The following EPB41L1 variants were observed in gnomAD, a reference collection of about 807,000 sequenced individuals.
EPB41L1 encodes erythrocyte membrane protein band 4.1 like 1.
In EPB41L1, 29 loss-of-function variants were observed where a neutral mutation model predicts 97.8. The observed-to-expected ratio is 0.30, with a 90% confidence interval of 0.22 to 0.40. The LOEUF (loss-of-function observed/expected upper bound fraction) is 0.40, where lower values mean the gene tolerates loss of function less well. EPB41L1 is among the 10% of genes least tolerant of loss of function. The probability of loss-of-function intolerance (pLI) is 1.00; values close to 1 mark genes in which losing one functional copy is unlikely to be tolerated. For missense variants in EPB41L1, 812 were observed against 1,162.3 expected (o/e 0.70, Z 4.38); for synonymous variants, 383 against 459.2 (o/e 0.83, Z 2.12).
upstream of EPB41L1, chr20:36,151,631 A>C (rs1386068685): frequency 1.3e-5 from 2 of 152,228 alleles, no homozygotes; most frequent in African/African-American, 4.8e-5. Flanking sequence ...AGTAATTGCA[A>C]CTGATGCCTA....
intron 14 of EPB41L1, chr20:36,205,768 C>T: frequency 1.7e-6 from 2 of 1,208,304 alleles, no homozygotes; most frequent in Non-Finnish European, 2.1e-6. Context: ...GATTGGTCCC[C>T]TCTTACAAAG....
At chr20:36,216,303 A>G (rs1264853130) in intron 17 of EPB41L1, among the ~76,000 whole-genome samples, 9 of 152,190 alleles carry the variant, frequency 5.9e-5, no homozygotes, top group African/African-American at 2.2e-4. Flanking sequence ...CAGTGGGAAA[A>G]GCAAGTGCAA....
intron 1 of EPB41L1, among the ~76,000 whole-genome samples, chr20:36,157,216 C>G (rs759867204): frequency 7.2e-5 from 11 of 152,062 alleles, no homozygotes; most frequent in East Asian, 5.8e-4. Context: ...GAGCGAGACT[C>G]CCTCTCAAAG....
At position 36,209,652 on chromosome 20, in the gene EPB41L1, C is replaced by T. The variant is rs769675013; in HGVS notation, c.1833C>T (p.Ser611=). ...IERKCSSITV[S]STSSLEAEVD... Reference sequence around the variant, plus strand: ...GCAAGTGCTCCAGCATCACGGTCAGCTCTACGTCTAGCCTGGAGGCTGAGG... The same window carrying T: ...GCAAGTGCTCCAGCATCACGGTCAGTTCTACGTCTAGCCTGGAGGCTGAGG... The change falls in exon 15 of 22, where the codon AGC becomes AGT. Residue 611 remains serine, a synonymous_variant. Coordinates refer to ENST00000338074, the MANE Select transcript of EPB41L1 (RefSeq NM_012156.2). This position sits in a 1 kb window ranked among gnomAD's most constrained non-coding sequence, Gnocchi z 4.2. 3.7e-6 allele frequency: 6 copies of T among 1,614,094 alleles called. No individual in the cohort carries two copies. The South Asian group carries it at 6.6e-5, about 18-fold the overall frequency.
intron 1 of EPB41L1, among the ~76,000 whole-genome samples, chr20:36,161,919 C>A (rs765016524): frequency 2.6e-5 from 4 of 152,086 alleles, no homozygotes; most frequent in South Asian, 2.1e-4. Context: ...CCCCACCATG[C>A]CCGGCTAATT....
At chr20:36,215,056 A>T (rs2063361951) in intron 17 of EPB41L1, among the ~76,000 whole-genome samples, 1 of 150,224 alleles carries the variant, frequency 6.7e-6, no homozygotes, top group African/African-American at 2.5e-5. Context: ...GCAACACTAG[A>T]TCCCTTCATG....
chr20:36,157,878 C>T (rs2060374609), intron 1 of EPB41L1, among the ~76,000 whole-genome samples: 1 of 152,154 alleles, frequency 6.6e-6, no homozygotes, highest in South Asian at 2.1e-4. Flanking sequence ...GGGAGCTGAG[C>T]CTTGGTGGAT....
At chr20:36,171,168 G>A (rs2060973011) in intron 1 of EPB41L1, among the ~76,000 whole-genome samples, 1 of 151,250 alleles carries the variant, frequency 6.6e-6, no homozygotes, top group South Asian at 2.1e-4. Context: ...AAATTAAGTA[G>A]GCAGTTATTT....
intron 11 of EPB41L1, 112 bp from the exon 12 acceptor site, chr20:36,194,100 T>A (rs2062077016): frequency 5.8e-6 from 8 of 1,374,722 alleles, no homozygotes; most frequent in Non-Finnish European, 8.2e-6. Flanking sequence ...GGGTGAGGGG[T>A]GTGGAAGAGT....
intron 15 of EPB41L1, among the ~76,000 whole-genome samples, chr20:36,210,863 T>C (rs997486699): frequency 2.6e-5 from 4 of 152,078 alleles, no homozygotes; most frequent in African/African-American, 9.7e-5. Flanking sequence ...TAATAGATGA[T>C]TAACTGGATG....
chr20:36,112,604 A>G (rs1053890102), intron 2 of EPB41L1: 1 of 152,096 alleles, frequency 6.6e-6, no homozygotes, highest in Non-Finnish European at 1.5e-5. Context: ...GGCTTTGTCT[A>G]CGCCACCTGT....
intron 1 of EPB41L1, among the ~76,000 whole-genome samples, chr20:36,111,857 A>C (rs2058415895): frequency 6.6e-6 from 1 of 152,020 alleles, no homozygotes; most frequent in Admixed American, 6.6e-5. Context: ...TTTATTTCAC[A>C]GATGGGGACA....
intron 21 of EPB41L1, among the ~76,000 whole-genome samples, chr20:36,226,399 A>T (rs927533502): frequency 3.3e-5 from 5 of 152,224 alleles, no homozygotes; most frequent in African/African-American, 1.2e-4. Flanking sequence ...CAGGCTGTGC[A>T]CTCAACACAA....
At chr20:36,160,854 G>T (rs2060498189) in intron 1 of EPB41L1, among the ~76,000 whole-genome samples, 1 of 152,192 alleles carries the variant, frequency 6.6e-6, no homozygotes, top group African/African-American at 2.4e-5. Flanking sequence ...CAATAGGTAT[G>T]TTATACTTTC....
chr20:36,198,501 G>C (rs1397574918), intron 14 of EPB41L1, among the ~76,000 whole-genome samples: 1 of 152,208 alleles, frequency 6.6e-6, no homozygotes, highest in Non-Finnish European at 1.5e-5. Flanking sequence ...TGAAAACACG[G>C]ATCGGGGAGT....
At chr20:36,216,866 C>T (rs980997187) in intron 17 of EPB41L1, among the ~76,000 whole-genome samples, 1 of 152,104 alleles carries the variant, frequency 6.6e-6, no homozygotes, top group Non-Finnish European at 1.5e-5. Flanking sequence ...GGGGGGAAAG[C>T]ACAGGATTTG....
At chr20:36,214,100 G>A (rs1212381358) in intron 16 of EPB41L1, among the ~76,000 whole-genome samples, 1 of 152,030 alleles carries the variant, frequency 6.6e-6, no homozygotes, top group Non-Finnish European at 1.5e-5. Flanking sequence ...GAGATTGCTA[G>A]GTCAAAGATT....
chr20:36,202,019 A>G (rs1326183034), intron 14 of EPB41L1, among the ~76,000 whole-genome samples: 3 of 152,216 alleles, frequency 2.0e-5, no homozygotes, highest in Non-Finnish European at 4.4e-5. Context: ...CTTCTACTCT[A>G]TGAATTTTTC....
intron 1 of EPB41L1, among the ~76,000 whole-genome samples, chr20:36,108,891 C>G (rs1230195018): frequency 6.6e-6 from 1 of 151,714 alleles, no homozygotes; most frequent in East Asian, 1.9e-4. Flanking sequence ...GGCCTTGCCC[C>G]TTGGTGGAAT....
Sources: gnomAD v4.1 joint callset for allele counts (sites outside exome capture counted in the v4.1 genomes callset) on GRCh38, gnomAD v4.1.1 for gene constraint, Gnocchi (gnomAD v3.1) non-coding constraint, MANE v1.5 for transcripts, NCBI Gene and HGNC (gene_info 2026-07-23, HGNC 2026-07-21) for gene names.